TMEM132B: variants seen among roughly 807,000 people sequenced by gnomAD.
TMEM132B encodes transmembrane protein 132B.
TMEM132B carries 18 observed loss-of-function variants against 90.8 expected under a neutral mutation model. That is an observed-to-expected ratio of 0.20 (90% confidence interval 0.14 to 0.29). The LOEUF (loss-of-function observed/expected upper bound fraction) is 0.29, where lower values mean the gene tolerates loss of function less well. Among genes scored for constraint, TMEM132B ranks in the 10% least tolerant of loss-of-function variants. The pLI is 1.00. For synonymous variants in TMEM132B, 504 were observed against 523.3 expected (o/e 0.96, Z 0.50); for missense variants, 1,096 against 1,326.8 (o/e 0.83, Z 2.70).
intron 3 of TMEM132B, among the ~76,000 whole-genome samples, chr12:125,512,527 T>C (rs1316551248): frequency 6.6e-6 from 1 of 152,214 alleles, no homozygotes; most frequent in African/African-American, 2.4e-5. Context: ...GTATGCCCAG[T>C]TGGCACAGTC....
intron 5 of TMEM132B, among the ~76,000 whole-genome samples, chr12:125,602,186 C>T (rs1304643042): frequency 6.6e-6 from 1 of 152,190 alleles, no homozygotes; most frequent in East Asian, 1.9e-4. Flanking sequence ...GCTAATATCC[C>T]TGATGAACAT....
chr12:125,210,296 C>T (rs560312305), intron 1 of TMEM132B, among the ~76,000 whole-genome samples: 3 of 152,086 alleles, frequency 2.0e-5, no homozygotes, highest in African/African-American at 2.4e-5. Context: ...CGGGAAGGAG[C>T]GAGTGCAAAG....
intron 1 of TMEM132B, among the ~76,000 whole-genome samples, chr12:125,193,839 C>G (rs2136050996): frequency 6.6e-6 from 1 of 152,332 alleles, no homozygotes; most frequent in East Asian, 1.9e-4. Flanking sequence ...AACAGTGAAG[C>G]AGTGGACAAA....
chr12:125,223,422 A>C (rs1000837831), intron 1 of TMEM132B, among the ~76,000 whole-genome samples: 5 of 152,256 alleles, frequency 3.3e-5, no homozygotes, highest in Non-Finnish European at 7.3e-5. Flanking sequence ...TTTGGGAAAC[A>C]TAAAACAACG....
intron 1 of TMEM132B, among the ~76,000 whole-genome samples, chr12:125,287,581 T>C (rs1875396790): frequency 6.6e-6 from 1 of 152,202 alleles, no homozygotes; most frequent in South Asian, 2.1e-4. Context: ...TTTTCTGTTT[T>C]GACATTTAAA....
At chr12:125,241,237 G>A (rs1874057431) in intron 1 of TMEM132B, among the ~76,000 whole-genome samples, 1 of 152,028 alleles carries the variant, frequency 6.6e-6, no homozygotes, top group African/African-American at 2.4e-5. Flanking sequence ...GATACAGTGG[G>A]GTATAAAACA....
In TMEM132B at chr12:125,516,019, CCA is replaced by C. The variant is rs538769672; in HGVS notation, c.1107-3414_1107-3413del. Among the ~76,000 whole-genome samples, 344 of 151,914 alleles carry C rather than the reference CCA, an allele frequency of 2.3e-3. 3 individuals carry two copies. The highest frequency in any genetic ancestry group is 8.0e-3 in the African/African-American group (332 of 41,426). On this transcript the variant is annotated intron_variant, in intron 3 of 8. Transcript: ENST00000682704. ...CTTTCTCCCAGACTCCTATGCACTC[CCA>C]CACACTCTCACACCCCCACATTCAC...
At chr12:125,243,344 T>C (rs946097214) in intron 1 of TMEM132B, among the ~76,000 whole-genome samples, 4 of 149,342 alleles carry the variant, frequency 2.7e-5, no homozygotes, top group Non-Finnish European at 5.9e-5. Flanking sequence ...TTTCACTCTG[T>C]TGTCTGGGCT....
At chr12:125,545,510 A>T (rs972847374) in intron 4 of TMEM132B, among the ~76,000 whole-genome samples, 2 of 152,138 alleles carry the variant, frequency 1.3e-5, no homozygotes, top group African/African-American at 4.8e-5. Flanking sequence ...TCCTTTGGGG[A>T]AATGCCTTTC....
chr12:125,474,027 T>TTTCCTTCCTTCC (rs3070202), intron 3 of TMEM132B, among the ~76,000 whole-genome samples: 2 of 150,018 alleles, frequency 1.3e-5, no homozygotes, highest in Non-Finnish European at 3.0e-5. Context: ...TCCTTCCTTC[T>TTTCCTTCCTTCC]TTCCTTCCTT....
chr12:125,297,776 GGAGT>G lies in TMEM132B; in HGVS notation c.68-51670_68-51667del, dbSNP rs1488913889. 2.0e-5 allele frequency among the ~76,000 whole-genome samples: 3 copies of G among 152,284 alleles called. No individual in the cohort carries two copies. The South Asian group carries it at 6.2e-4, about 32-fold the overall frequency. On this transcript the variant is annotated intron_variant, in intron 1 of 8. Coordinates refer to ENST00000682704, the MANE Select transcript of TMEM132B (RefSeq NM_001366854.1). ...GGAGGAACAGGGACAGGATCTTCTA[GGAGT>G]GAGTGGACCCATAAATGAAGGGGGA...
intron 5 of TMEM132B, among the ~76,000 whole-genome samples, chr12:125,601,225 C>G (rs1885562549): frequency 1.3e-5 from 2 of 152,162 alleles, no homozygotes; most frequent in Admixed American, 6.5e-5. Context: ...AAGTAAAACA[C>G]TCCTCAGCAA....
At chr12:125,199,814 A>T (rs554241040) in intron 1 of TMEM132B, among the ~76,000 whole-genome samples, 6 of 152,174 alleles carry the variant, frequency 3.9e-5, no homozygotes, top group South Asian at 2.1e-4. Context: ...GGTATAGATT[A>T]AAAAAAGGGC....
chr12:125,188,683 G>C (rs1957774956), intron 1 of TMEM132B, among the ~76,000 whole-genome samples: 1 of 151,782 alleles, frequency 6.6e-6, no homozygotes, highest in Non-Finnish European at 1.5e-5. Flanking sequence ...CTGTTCTTTG[G>C]GAGAGTCTCA....
chr12:125,251,230 A>G lies in TMEM132B; in HGVS notation c.67+64364A>G, dbSNP rs1325504718. Among the ~76,000 whole-genome samples, 3 of 152,238 alleles carry G rather than the reference A, an allele frequency of 2.0e-5. No individual in the cohort carries two copies. Among genetic ancestry groups the G allele is most frequent in the African/African-American group, 7.2e-5 (3 of 41,460 alleles). Reference sequence around the variant, plus strand: ...TCCATACATGGTGCATTTAGCTCAGAAAGTGAGATGATTTTTGAAAATATC... The same window carrying G: ...TCCATACATGGTGCATTTAGCTCAGGAAGTGAGATGATTTTTGAAAATATC... On this transcript the variant is annotated intron_variant, in intron 1 of 8. Transcript: ENST00000682704. The surrounding 1 kb of genome is among the most constrained non-coding windows in gnomAD (Gnocchi z 4.4).
intron 5 of TMEM132B, among the ~76,000 whole-genome samples, chr12:125,637,402 C>A (rs1037400095): frequency 6.6e-6 from 1 of 152,144 alleles, no homozygotes; most frequent in Non-Finnish European, 1.5e-5. Flanking sequence ...TTTATTTTGC[C>A]AAGGTTAAGG....
chr12:125,282,022 C>T (rs142361132), intron 1 of TMEM132B, among the ~76,000 whole-genome samples: 1,223 of 64,536 alleles, frequency 0.019, 29 homozygotes, highest in South Asian at 0.14. Context: ...AGGGAGACTC[C>T]GTCTCAAAAA....
chr12:125,469,341 A>G (rs1250838601), intron 3 of TMEM132B, among the ~76,000 whole-genome samples: 1 of 152,218 alleles, frequency 6.6e-6, no homozygotes, highest in Non-Finnish European at 1.5e-5. Context: ...TAATTGTTCA[A>G]AGTTATAAGT....
chr12:125,530,691 C>T (rs1217271921), intron 4 of TMEM132B, among the ~76,000 whole-genome samples: 2 of 152,230 alleles, frequency 1.3e-5, no homozygotes, highest in African/African-American at 4.8e-5. Flanking sequence ...GTTCCTTAGC[C>T]TGTGGCCACC....
Sources: gnomAD v4.1 joint callset for allele counts (sites outside exome capture counted in the v4.1 genomes callset) on GRCh38, gnomAD v4.1.1 for gene constraint, Gnocchi (gnomAD v3.1) non-coding constraint, MANE v1.5 for transcripts, NCBI Gene and HGNC (gene_info 2026-07-23, HGNC 2026-07-21) for gene names.